The following LRP1B variants were observed in gnomAD, a reference collection of about 807,000 sequenced individuals.
The protein encoded by LRP1B is low-density lipoprotein receptor-related protein 1B.
In LRP1B, 217 loss-of-function variants were observed where a neutral mutation model predicts 556.6. The ratio of observed to expected loss-of-function variants is 0.39; its 90% confidence interval spans 0.35 to 0.44. The LOEUF is 0.44. Among genes scored for constraint, LRP1B ranks in the 20% least tolerant of loss-of-function variants. The pLI, the probability that LRP1B is intolerant of heterozygous loss-of-function variation, is 1.00. For missense variants in LRP1B, 5,053 were observed against 5,620.8 expected, an observed-to-expected ratio of 0.90 and a Z score of 3.23; for synonymous variants, 2,047 against 1,865.8, an observed-to-expected ratio of 1.10 and a Z score of -2.50.
chr2:141,510,195 G>GACACACAC (rs59647485), intron 2 of LRP1B, among the ~76,000 whole-genome samples: 1,689 of 95,076 alleles, frequency 0.018, 20 homozygotes, highest in East Asian at 0.068. Context: ...CGGCAATACA[G>GACACACAC]ACACACACAC....
rs2105327486 is a variant in LRP1B at position 141,247,297 on chromosome 2, C to A, written c.521G>T (p.Gly174Val). 1.2e-6 allele frequency: 2 copies of A among 1,613,784 alleles called. No individual in the cohort carries two copies. The highest frequency in any genetic ancestry group is 1.7e-6 in the Non-Finnish European group (2 of 1,179,782). ...TCSQTCRNTH[G>V]SYTCSCVEGY... ...TTCCACACAACTGCAAGTGTAGGATCCATGTGTGTTTCTGCAGGTCTGGCT... is the reference window on the plus strand; with the variant it reads ...TTCCACACAACTGCAAGTGTAGGATACATGTGTGTTTCTGCAGGTCTGGCT... Residue 174 changes from glycine (G) to valine (V), a missense_variant, in exon 5 of 91, where the codon GGA becomes GTA. Transcript: ENST00000389484.
At chr2:141,378,969 A>C (rs1263736815) in intron 3 of LRP1B, among the ~76,000 whole-genome samples, 1 of 152,234 alleles carries the variant, frequency 6.6e-6, no homozygotes, top group African/African-American at 2.4e-5. Flanking sequence ...AATACATTAT[A>C]GTTGAAAACT....
intron 1 of LRP1B, among the ~76,000 whole-genome samples, chr2:141,815,271 G>A (rs16847247): frequency 0.29 from 43,428 of 152,060 alleles, 6,719 homozygotes; most frequent in Middle Eastern, 0.45. Context: ...AGTCTTAGTC[G>A]GTTGTGTTTT....
chr2:141,438,461 A>T (rs998453217), intron 3 of LRP1B, among the ~76,000 whole-genome samples: 11 of 152,116 alleles, frequency 7.2e-5, no homozygotes, highest in African/African-American at 2.7e-4. Flanking sequence ...TTCATTTCTA[A>T]TTACACATAT....
intron 32 of LRP1B, among the ~76,000 whole-genome samples, chr2:140,778,528 G>T (rs1486218177): frequency 6.6e-6 from 1 of 151,974 alleles, no homozygotes; most frequent in Non-Finnish European, 1.5e-5. Context: ...TGTCTACACT[G>T]GGAAGATATA....
chr2:140,358,878 G>T lies in LRP1B; in HGVS notation c.11200C>A (p.Gln3734Lys), dbSNP rs35546150. ...CATTCATCAATCCCATTGCACATTTGCTCCGACTGTAGGCATATTCTGTTA... is the reference window on the plus strand; with the variant it reads ...CATTCATCAATCCCATTGCACATTTTCTCCGACTGTAGGCATATTCTGTTA... ...RNNRICLQSE[Q>K]MCNGIDECGD... Residue 3734 changes from glutamine to lysine, a missense_variant, in exon 73 of 91, where the codon CAA becomes AAA. Transcript: ENST00000389484. 58,037 of 1,609,042 alleles carry T rather than the reference G, an allele frequency of 0.036. 1,228 individuals are homozygous for T. The highest frequency in any genetic ancestry group is 0.066 in the South Asian group (6,011 of 90,938).
At chr2:141,873,154 T>C (rs917523435) in intron 1 of LRP1B, among the ~76,000 whole-genome samples, 5 of 151,864 alleles carry the variant, frequency 3.3e-5, no homozygotes, top group Non-Finnish European at 7.4e-5. Flanking sequence ...AGAATCATCT[T>C]AATTAAAATA....
At chr2:141,971,775 C>G (rs979210800) in intron 1 of LRP1B, among the ~76,000 whole-genome samples, 1 of 151,364 alleles carries the variant, frequency 6.6e-6, no homozygotes, top group African/African-American at 2.4e-5. Context: ...CATTCTCCAG[C>G]CTTTACTTCC....
rs1698018401 is a variant in LRP1B at position 141,019,979 on chromosome 2, G to C, written c.1913C>G (p.Thr638Ser). 1 of 1,611,766 alleles carries C rather than the reference G, an allele frequency of 6.2e-7. No homozygotes were observed. Among genetic ancestry groups the C allele is most frequent in the South Asian group, 1.1e-5 (1 of 90,934 alleles). The change falls in exon 12 of 91, where the codon ACT becomes AGT. Residue 638 changes from threonine to serine, a missense_variant. Thr to Ser is a moderately conservative substitution (Grantham distance 58, BLOSUM62 1). Transcript: ENST00000389484. ...ATGAGACATTTCACCCTCTAAAAGA[G>C]TCTTCCGACTCTGAGAAGCTTTTTC... is the stretch of plus-strand genomic sequence containing the variant. ...RLEKASQSRK[T>S]LLEGEMSHPR...
chr2:141,967,236 A>G (rs190899396), intron 1 of LRP1B, among the ~76,000 whole-genome samples: 91 of 152,070 alleles, frequency 6.0e-4, no homozygotes, highest in African/African-American at 2.2e-3. Flanking sequence ...ATTTAACTCT[A>G]TAGGTGAACA....
rs183953460 is a variant in LRP1B at position 141,976,880 on chromosome 2, T to C, written c.82+153768A>G. On this transcript the variant is annotated intron_variant, in intron 1 of 90. Transcript: ENST00000389484. ...TCATAAAATAGGAAGATAAAAGAAC[T>C]GTTATACTTTTAAATTATTGAATAG... is the stretch of plus-strand genomic sequence containing the variant. 2.1e-3 allele frequency among the ~76,000 whole-genome samples: 316 copies of C among 152,256 alleles called. 1 individual carries two copies. The highest frequency in any genetic ancestry group is 7.2e-3 in the African/African-American group (298 of 41,570).
At chr2:141,998,741 G>A (rs922707740) in intron 1 of LRP1B, among the ~76,000 whole-genome samples, 16 of 152,280 alleles carry the variant, frequency 1.1e-4, no homozygotes, top group African/African-American at 3.9e-4. Context: ...CAACCTGAAG[G>A]TCGTAGGAGA....
chr2:141,430,820 C>T (rs1427453673), intron 3 of LRP1B, among the ~76,000 whole-genome samples: 2 of 151,912 alleles, frequency 1.3e-5, no homozygotes, highest in Non-Finnish European at 2.9e-5. Flanking sequence ...AATTAAGGTT[C>T]CTAATCTGAC....
At chr2:141,511,525 A>C (rs977958759) in intron 2 of LRP1B, among the ~76,000 whole-genome samples, 5 of 152,200 alleles carry the variant, frequency 3.3e-5, no homozygotes, top group Admixed American at 2.6e-4. Context: ...AGATAGTTTC[A>C]GGATGCAGAA....
rs759861628 is a variant in LRP1B at position 140,506,833 on chromosome 2, G to A, written c.8484C>T (p.Asp2828=). 8 of 1,613,822 alleles carry A rather than the reference G, an allele frequency of 5.0e-6. No homozygotes were observed. The highest frequency in any genetic ancestry group is 1.3e-5 in the African/African-American group (1 of 74,976). Residue 2828 remains aspartate, a synonymous_variant, in exon 53 of 91, where the codon GAC becomes GAT. Transcript: ENST00000389484. The part of the protein sequence containing the change: ...IPKQFVCDHD[D]DCGDGSDESP... ...ACTCATCAGAGCCATCTCCACAGTC[G>A]TCATCATGGTCACAAACAAATTGCT...
chr2:140,287,352 A>T (rs904560202), intron 84 of LRP1B, among the ~76,000 whole-genome samples: 7 of 151,800 alleles, frequency 4.6e-5, no homozygotes, highest in Non-Finnish European at 8.8e-5. Context: ...TTCATGGTCT[A>T]GAGGTACCAC....
chr2:140,948,209 G>T (rs570002716), intron 20 of LRP1B, among the ~76,000 whole-genome samples: 114 of 152,258 alleles, frequency 7.5e-4, no homozygotes, highest in African/African-American at 2.7e-3. Flanking sequence ...AGATTTCATA[G>T]CACATTATGG....
At chr2:140,611,754 A>G (rs1269044062) in intron 41 of LRP1B, among the ~76,000 whole-genome samples, 1 of 152,140 alleles carries the variant, frequency 6.6e-6, no homozygotes, top group East Asian at 1.9e-4. Flanking sequence ...CATTTGATAT[A>G]GTCCAAATTA....
At chr2:140,508,366 G>A (rs1249408750) in intron 52 of LRP1B, among the ~76,000 whole-genome samples, 1 of 152,024 alleles carries the variant, frequency 6.6e-6, no homozygotes, top group East Asian at 1.9e-4. Flanking sequence ...TTAAGATACA[G>A]GTATTATCAT....
Sources: gnomAD v4.1 joint callset for allele counts (sites outside exome capture counted in the v4.1 genomes callset) on GRCh38, gnomAD v4.1.1 for gene constraint, MANE v1.5 for transcripts, NCBI Gene and HGNC (gene_info 2026-07-23, HGNC 2026-07-21) for gene names.